The following MCPH1 variants were observed in gnomAD, a reference collection of about 807,000 sequenced individuals.
The protein encoded by MCPH1 is microcephalin.
A neutral mutation model predicts 84.5 loss-of-function variants in MCPH1; 104 were observed. That is an observed-to-expected ratio of 1.23 (90% CI 1.05 to 1.45). MCPH1 has a LOEUF of 1.45. Among genes scored for constraint, MCPH1 ranks in the 40% most tolerant of loss-of-function variants. The pLI is 0.00. For missense variants in MCPH1, 1,498 were observed against 1,005.7 expected (o/e 1.49, Z -6.62); for synonymous variants, 514 against 366.8 (o/e 1.40, Z -4.58).
intron 12 of MCPH1, among the ~76,000 whole-genome samples, chr8:6,547,518 G>T (rs1413500681): frequency 1.3e-5 from 2 of 152,196 alleles, no homozygotes; most frequent in Non-Finnish European, 1.5e-5. Flanking sequence ...AGGGGAAGAA[G>T]TTATTTCCAG....
rs909937341 is a variant in MCPH1 at position 6,470,467 on chromosome 8, G to A, written c.1936-7127G>A. On this transcript the variant is annotated intron_variant, in intron 9 of 13. Transcript: ENST00000344683. ...ACCCAGCTAATTTTTGTATTTTTAG[G>A]AGAGATAGGGTTTCACCATGTTGGC... Among the ~76,000 whole-genome samples the A allele has an allele frequency of 1.3e-5, 2 of 151,884 alleles. 1 individual carries two copies. Among genetic ancestry groups the A allele is most frequent in the South Asian group, 4.1e-4 (2 of 4,828 alleles).
intron 12 of MCPH1, among the ~76,000 whole-genome samples, chr8:6,583,730 G>T (rs563649987): frequency 2.6e-5 from 4 of 151,758 alleles, no homozygotes; most frequent in African/African-American, 7.3e-5. Flanking sequence ...CAAGTTATCC[G>T]AGGCAGGTTA....
intron 3 of MCPH1, among the ~76,000 whole-genome samples, chr8:6,420,460 T>C (rs1800006919): frequency 6.6e-6 from 1 of 152,232 alleles, no homozygotes; most frequent in African/African-American, 2.4e-5. Context: ...TGCGCTGTTA[T>C]CTCCGTGTCA....
intron 10 of MCPH1, among the ~76,000 whole-genome samples, chr8:6,479,557 C>T (rs1808923582): frequency 6.6e-6 from 1 of 151,590 alleles, no homozygotes; most frequent in South Asian, 2.1e-4. Flanking sequence ...GCGTCAGCCT[C>T]CTGAGTATCT....
intron 12 of MCPH1, among the ~76,000 whole-genome samples, chr8:6,610,219 CA>C (rs1830145809): frequency 6.6e-6 from 1 of 152,182 alleles, no homozygotes; most frequent in Admixed American, 6.5e-5. Flanking sequence ...GCTGGGTTGC[CA>C]CTGAGCCCTC....
chr8:6,532,609 T>A, intron 12 of MCPH1: 1 of 696,588 alleles, frequency 1.4e-6, no homozygotes, highest in Non-Finnish European at 2.1e-6. Context: ...AAAAGACTTG[T>A]ACCTTGCCTT....
At chr8:6,448,586 C>A (rs532318824) in intron 8 of MCPH1, among the ~76,000 whole-genome samples, 24 of 152,226 alleles carry the variant, frequency 1.6e-4, no homozygotes, top group Admixed American at 1.6e-3. Flanking sequence ...CTGCACGAAG[C>A]AGCCACTGTC....
intron 6 of MCPH1, among the ~76,000 whole-genome samples, chr8:6,440,093 G>A (rs1017229687): frequency 6.6e-6 from 1 of 152,308 alleles, no homozygotes; most frequent in Admixed American, 6.5e-5. Flanking sequence ...TTGCAGCTTA[G>A]TTGTTGTAGA....
chr8:6,559,441 TA>T (rs1196309163), intron 12 of MCPH1, among the ~76,000 whole-genome samples: 1 of 152,168 alleles, frequency 6.6e-6, no homozygotes, highest in Non-Finnish European at 1.5e-5. Context: ...TTATTACTTT[TA>T]AAGAAAGAAA....
At chr8:6,445,984 G>A (rs1022966392) in intron 8 of MCPH1, 1 of 979,950 alleles carries the variant, frequency 1.0e-6, no homozygotes, top group Non-Finnish European at 1.2e-6. Context: ...GCCATCGATT[G>A]TATCATAGAG....
Position 6,477,628 on chromosome 8 carries a change from C to A in MCPH1, c.1970C>A (p.Ser657Tyr). 1 of 1,612,218 alleles carries A rather than the reference C, an allele frequency of 6.2e-7. No homozygotes were observed. The highest frequency in any genetic ancestry group is 8.5e-7 in the Non-Finnish European group (1 of 1,178,582). ...ACATTAGTCATGACAAGCATGCCAT[C>A]TGAGTAAGTACTTGTTTTGATTTCT... ...TRTLVMTSMP[S>Y]EKQNVVIQVV... Residue 657 changes from serine to tyrosine, a missense_variant, in exon 10 of 14, where the codon TCT (serine) becomes TAT (tyrosine). By Grantham distance (144) the Ser-to-Tyr change is moderately radical. Transcript: ENST00000344683.
Position 6,436,070 on chromosome 8 carries a change from A to G in MCPH1, c.344A>G (p.Asp115Gly), listed in dbSNP as rs562954265. The change falls in exon 5 of 14, where the codon GAT (aspartate) becomes GGT (glycine). Residue 115 changes from aspartate (D) to glycine (G), a missense_variant. Coordinates refer to ENST00000344683, the MANE Select transcript of MCPH1 (RefSeq NM_024596.5). ...KKKRKCMQPK[D>G]FNFKTPENDK... Reference sequence around the variant, plus strand: ...CAGCGTAAATGTATGCAGCCCAAAGATTTTAATTTTAAAACACCAGAAAAT... The same window carrying G: ...CAGCGTAAATGTATGCAGCCCAAAGGTTTTAATTTTAAAACACCAGAAAAT... 6.2e-7 allele frequency: 1 copy of G among 1,613,730 alleles called. No individual in the cohort carries two copies. Among genetic ancestry groups the G allele is most frequent in the Admixed American group, 1.7e-5 (1 of 59,984 alleles).
At chr8:6,493,686 C>T (rs948916092) in intron 11 of MCPH1, among the ~76,000 whole-genome samples, 2 of 152,130 alleles carry the variant, frequency 1.3e-5, no homozygotes, top group East Asian at 1.9e-4. Context: ...GTGAGGTCCA[C>T]GCTGCTAGTC....
intron 12 of MCPH1, among the ~76,000 whole-genome samples, chr8:6,545,965 A>G (rs1425506136): frequency 6.6e-6 from 1 of 152,246 alleles, no homozygotes; most frequent in Non-Finnish European, 1.5e-5. Context: ...TTGGGGAAGT[A>G]GCGATATTTG....
rs200304175 is a variant in MCPH1 at position 6,422,782 on chromosome 8, G to A, written c.233+7899G>A. 2.5e-4 allele frequency among the ~76,000 whole-genome samples: 38 copies of A among 152,224 alleles called. No individual in the cohort carries two copies. In the East Asian group the frequency reaches 5.0e-3, roughly 20 times the overall value. On this transcript the variant is annotated intron_variant, in intron 3 of 13. Coordinates refer to ENST00000344683, the MANE Select transcript of MCPH1 (RefSeq NM_024596.5). ...CGGCTTACTGCAACCTCCGCCTCCTGGGTTCATGCCATTCTCCTGCCTCAG... is the reference window on the plus strand; with the variant it reads ...CGGCTTACTGCAACCTCCGCCTCCTAGGTTCATGCCATTCTCCTGCCTCAG...
At chr8:6,502,876 C>CACACCA (rs1812463763) in intron 12 of MCPH1, 1 of 536,812 alleles carries the variant, frequency 1.9e-6, no homozygotes. Context: ...GGTGTTCTGT[C>CACACCA]TAATCACAAT....
Position 6,445,795 on chromosome 8 carries a change from A to G in MCPH1, c.1825+248A>G, listed in dbSNP as rs1804269644. 7 of 1,279,578 alleles carry G rather than the reference A, an allele frequency of 5.5e-6. No homozygotes were observed. The East Asian group carries it at 2.0e-4, about 37-fold the overall frequency. 79.3% of individuals were successfully genotyped at this position (1,279,578 alleles called of 1,614,324 possible). On this transcript the variant is annotated intron_variant, in intron 8 of 13. Transcript: ENST00000344683. ...TATTTCTCCAAGACTTTTCCTTCTT[A>G]TAGGTCAAAAGGATAAGTAGTCCAT...
intron 12 of MCPH1, among the ~76,000 whole-genome samples, chr8:6,577,287 T>G (rs1302657744): frequency 6.6e-6 from 1 of 152,168 alleles, no homozygotes; most frequent in Non-Finnish European, 1.5e-5. Context: ...ATGGGGCCTT[T>G]CCCTTCCCGT....
At chr8:6,576,749 T>C (rs1827156971) in intron 12 of MCPH1, among the ~76,000 whole-genome samples, 1 of 137,028 alleles carries the variant, frequency 7.3e-6, no homozygotes, top group African/African-American at 2.8e-5. Context: ...GTTTTCACCA[T>C]ATTGGTCAGG....
Sources: gnomAD v4.1 joint callset for allele counts (sites outside exome capture counted in the v4.1 genomes callset) on GRCh38, gnomAD v4.1.1 for gene constraint, MANE v1.5 for transcripts, NCBI Gene and HGNC (gene_info 2026-07-23, HGNC 2026-07-21) for gene names.